Variants in COBLL1 observed in about 807,000 individuals in gnomAD.
COBLL1 encodes the protein cordon-bleu WH2 repeat protein like 1, also known as cordon-bleu protein-like 1.
COBLL1 carries 50 observed loss-of-function variants against 94.8 expected under a neutral mutation model. The observed-to-expected ratio is 0.53, with a 90% CI of 0.42 to 0.67. COBLL1 has a LOEUF of 0.67. Ranked by LOEUF, COBLL1 falls within the 30% of genes least tolerant of loss-of-function variation. COBLL1 has a pLI of 0.00. For synonymous variants in COBLL1, 448 were observed against 473.8 expected (o/e 0.95, Z 0.71); for missense variants, 1,362 against 1,348.7 (o/e 1.01, Z -0.15).
chr2:164,796,866 T>C (rs1185188868), intron 2 of COBLL1, among the ~76,000 whole-genome samples: 2 of 151,984 alleles, frequency 1.3e-5, no homozygotes, highest in Non-Finnish European at 2.9e-5. Context: ...TCCTAGCTAC[T>C]AGGGAGGCTG....
At chr2:164,807,495 A>T (rs1376789192) in intron 2 of COBLL1, among the ~76,000 whole-genome samples, 1 of 151,408 alleles carries the variant, frequency 6.6e-6, no homozygotes, top group African/African-American at 2.4e-5. Context: ...CAAATCATTA[A>T]TTACTACTTA....
At chr2:164,842,046 G>A, upstream of COBLL1, 1 of 1,531,388 alleles carries the variant, frequency 6.5e-7, no homozygotes, top group Non-Finnish European at 8.8e-7. Flanking sequence ...CGGCGGCATT[G>A]GAGCGAGGGA....
At chr2:164,779,819 C>A in intron 2 of COBLL1, 9 of 461,324 alleles carry the variant, frequency 2.0e-5, no homozygotes, top group Non-Finnish European at 4.1e-5. Flanking sequence ...GATGATAGCA[C>A]TCTGCAAATT....
chr2:164,695,990 A>G (rs1026406999), intron 11 of COBLL1, 154 bp from the exon 12 acceptor site: 2 of 617,798 alleles, frequency 3.2e-6, no homozygotes, highest in Non-Finnish European at 5.4e-6. Flanking sequence ...TAGCATACAG[A>G]GAAAACAGTA....
At chr2:164,698,748 G>T (rs1267174422) in intron 11 of COBLL1, among the ~76,000 whole-genome samples, 1 of 151,898 alleles carries the variant, frequency 6.6e-6, no homozygotes. Flanking sequence ...GAACCGCAAA[G>T]CTTCTAATAA....
intron 2 of COBLL1, among the ~76,000 whole-genome samples, chr2:164,804,837 C>T (rs995346346): frequency 1.3e-5 from 2 of 152,220 alleles, no homozygotes; most frequent in African/African-American, 4.8e-5. Flanking sequence ...AAATCGACCT[C>T]TCCTCCCACA....
At chr2:164,658,046 C>T (rs960950044) in intron 2 of COBLL1, among the ~76,000 whole-genome samples, 2 of 152,266 alleles carry the variant, frequency 1.3e-5, no homozygotes, top group East Asian at 3.9e-4. Context: ...TCCCGCTGTG[C>T]TCTCAGGCAA....
chr2:164,740,356 C>G (rs2105550995), intron 3 of COBLL1, among the ~76,000 whole-genome samples: 1 of 152,118 alleles, frequency 6.6e-6, no homozygotes, highest in East Asian at 1.9e-4. Flanking sequence ...GAAACCCCAT[C>G]TAAACAAACA....
intron 2 of COBLL1, among the ~76,000 whole-genome samples, chr2:164,798,429 A>G (rs1295401764): frequency 6.6e-6 from 1 of 152,228 alleles, no homozygotes; most frequent in East Asian, 1.9e-4. Flanking sequence ...TTCAAGAAAA[A>G]TTGTCACAAA....
chr2:164,788,358 G>A (rs1265071079), intron 2 of COBLL1, among the ~76,000 whole-genome samples: 1 of 152,018 alleles, frequency 6.6e-6, no homozygotes, highest in Non-Finnish European at 1.5e-5. Context: ...ATATCATAAG[G>A]CCTAGGTTCA....
chr2:164,715,822 T>C (rs1211136009), intron 7 of COBLL1, among the ~76,000 whole-genome samples: 2 of 151,904 alleles, frequency 1.3e-5, no homozygotes, highest in African/African-American at 4.8e-5. Flanking sequence ...CCAGTGAAGA[T>C]CATTTCTTAC....
At chr2:164,788,126 G>A (rs1682970006) in intron 2 of COBLL1, among the ~76,000 whole-genome samples, 2 of 152,126 alleles carry the variant, frequency 1.3e-5, no homozygotes, top group East Asian at 3.9e-4. Flanking sequence ...CCAAGTAGAA[G>A]GATCTCCCAA....
intron 7 of COBLL1, among the ~76,000 whole-genome samples, chr2:164,720,112 T>C (rs1177047605): frequency 1.3e-5 from 2 of 152,128 alleles, no homozygotes; most frequent in Non-Finnish European, 2.9e-5. Flanking sequence ...CTAAGAATTT[T>C]TGCAATGAAT....
chr2:164,794,909 G>T (rs1006505577), intron 2 of COBLL1, among the ~76,000 whole-genome samples: 1 of 152,126 alleles, frequency 6.6e-6, no homozygotes, highest in Non-Finnish European at 1.5e-5. Flanking sequence ...TAATGTTTAA[G>T]ACTTAGTATT....
chr2:164,670,241 A>G (rs1213061031), intron 1 of COBLL1, among the ~76,000 whole-genome samples: 1 of 152,204 alleles, frequency 6.6e-6, no homozygotes, highest in Non-Finnish European at 1.5e-5. Flanking sequence ...GAAGAATTTG[A>G]ACTTGAAAGC....
intron 2 of COBLL1, among the ~76,000 whole-genome samples, chr2:164,663,893 C>G (rs1022868206): frequency 6.6e-6 from 1 of 152,116 alleles, no homozygotes; most frequent in Non-Finnish European, 1.5e-5. Flanking sequence ...AAACTTCACA[C>G]AGTATACCAT....
intron 12 of COBLL1, 69 bp downstream of exon 12, chr2:164,694,200 A>G: frequency 7.0e-7 from 1 of 1,431,618 alleles, no homozygotes; most frequent in Non-Finnish European, 9.5e-7. Context: ...AAACATCAAC[A>G]TGCTTGTTAA....
intron 2 of COBLL1, among the ~76,000 whole-genome samples, chr2:164,658,537 G>C (rs988225774): frequency 3.3e-5 from 5 of 152,080 alleles, no homozygotes; most frequent in African/African-American, 4.8e-5. Context: ...AAAGATATAG[G>C]GATTGAAATG....
Position 164,833,185 on chromosome 2 carries a change from C to T in COBLL1, c.41+7971G>A, listed in dbSNP as rs547001221. The stretch of plus-strand genomic sequence containing the variant: ...GAGTTTGAGACCAGCTGGACAACAT[C>T]TCTCCAAAAAGTACAAAAATTAGCT... On this transcript the variant is annotated intron_variant, in intron 2 of 13. Coordinates refer to ENST00000652658, the MANE Select transcript of COBLL1 (RefSeq NM_001365672.2). 2.6e-5 allele frequency among the ~76,000 whole-genome samples: 4 copies of T among 151,798 alleles called. 1 individual carries two copies. The highest frequency in any genetic ancestry group is 7.2e-5 in the African/African-American group (3 of 41,412).
Sources: allele counts gnomAD v4.1 joint callset (sites outside exome capture counted in the v4.1 genomes callset), GRCh38; gene constraint gnomAD v4.1.1; transcripts MANE v1.5; gene names NCBI Gene and HGNC (gene_info 2026-07-23, HGNC 2026-07-21).